Variants in ZC3H12B observed in about 807,000 individuals in gnomAD.
The protein encoded by ZC3H12B is zinc finger CCCH-type containing 12B.
ZC3H12B carries 7 observed loss-of-function variants against 43.9 expected under a neutral mutation model. The ratio of observed to expected loss-of-function variants is 0.16; its 90% CI spans 0.09 to 0.30. The LOEUF (loss-of-function observed/expected upper bound fraction) is 0.30. ZC3H12B is among the 10% of genes least tolerant of loss of function. ZC3H12B has a pLI of 1.00. For missense variants in ZC3H12B, 475 were observed against 670.2 expected, an observed-to-expected ratio of 0.71 and a Z score of 3.22; for synonymous variants, 222 against 241.7, an observed-to-expected ratio of 0.92 and a Z score of 0.76.
At chrX:65,254,148 C>T in the ZC3H12B span, among the ~76,000 whole-genome samples, 4 of 112,312 alleles carry the variant, frequency 3.6e-5, no homozygotes, top group African/African-American at 9.7e-5. Context: ...CACCCCCCCA[C>T]TGCCACTGCT....
the ZC3H12B span, chrX:65,328,551 T>C: frequency 5.2e-6 from 1 of 191,665 alleles, no homozygotes; most frequent in East Asian, 1.5e-4. Context: ...ACATTGTCTT[T>C]ATTTGTCTTT....
At chrX:65,444,579 A>T (rs772845450) in intron 3 of ZC3H12B, among the ~76,000 whole-genome samples, 2 of 112,497 alleles carry the variant, frequency 1.8e-5, no homozygotes, top group African/African-American at 6.4e-5. Context: ...TAAATTGCCC[A>T]GTCTCAGGTA....
chrX:65,113,914 G>A, the ZC3H12B span, among the ~76,000 whole-genome samples: 1 of 99,262 alleles, frequency 1.0e-5, no homozygotes, highest in African/African-American at 3.5e-5. Context: ...AAATTTATGT[G>A]ACTCACTTTA....
chrX:65,309,100 A>C, the ZC3H12B span, among the ~76,000 whole-genome samples: 2 of 110,653 alleles, frequency 1.8e-5, no homozygotes, highest in African/African-American at 3.3e-5. Flanking sequence ...AGAGCAAACA[A>C]ATTCAAAAGC....
chrX:65,357,049 G>A, the ZC3H12B span: 9 of 579,126 alleles, frequency 1.6e-5, no homozygotes, highest in Non-Finnish European at 2.4e-5. Flanking sequence ...TTGCTGAGCT[G>A]GGTCTCCTTG....
At chrX:65,457,665 C>A (rs1269084426) in intron 3 of ZC3H12B, among the ~76,000 whole-genome samples, 1 of 72,771 alleles carries the variant, frequency 1.4e-5, no homozygotes, top group East Asian at 3.6e-4. Context: ...CGGATGGTTG[C>A]CGGGTCTGTG....
At chrX:65,163,774 T>C in the ZC3H12B span, among the ~76,000 whole-genome samples, 25,402 of 110,498 alleles carry the variant, frequency 0.23, 7,162 homozygotes, top group African/African-American at 0.8. Context: ...TGCACTGCAC[T>C]CACTCTCCTG....
At chrX:65,448,731 C>T (rs1454654738) in intron 3 of ZC3H12B, among the ~76,000 whole-genome samples, 3 of 108,365 alleles carry the variant, frequency 2.8e-5, no homozygotes, top group Non-Finnish European at 5.7e-5. Context: ...GAAGGAGAAT[C>T]GCTTGAACCC....
chrX:65,239,414 A>G, the ZC3H12B span, among the ~76,000 whole-genome samples: 1 of 95,997 alleles, frequency 1.0e-5, no homozygotes, highest in East Asian at 3.3e-4. Flanking sequence ...TTTTTTTTCC[A>G]TTTGCTTGAT....
chrX:65,261,371 T>C, the ZC3H12B span, among the ~76,000 whole-genome samples: 21 of 111,776 alleles, frequency 1.9e-4, no homozygotes, highest in Admixed American at 1.9e-3. Flanking sequence ...AGTCATTTTA[T>C]ATGATTGTTT....
the ZC3H12B span, among the ~76,000 whole-genome samples, chrX:65,199,689 A>T: frequency 9.0e-6 from 1 of 111,106 alleles, no homozygotes; most frequent in East Asian, 2.8e-4. Flanking sequence ...AAGTGGGAAC[A>T]TGCAGTGTCT....
chrX:65,427,930 C>T (rs886143209), intron 3 of ZC3H12B, among the ~76,000 whole-genome samples: 13 of 111,894 alleles, frequency 1.2e-4, no homozygotes, highest in Admixed American at 1.0e-3. Context: ...TGAGTGCTTC[C>T]TTCATGAGCT....
At chrX:65,385,564 T>A (rs2066511102) in intron 2 of ZC3H12B, among the ~76,000 whole-genome samples, 1 of 111,734 alleles carries the variant, frequency 8.9e-6, no homozygotes, top group Admixed American at 9.6e-5. Flanking sequence ...GATGATGGGG[T>A]TTTCTAAATA....
the ZC3H12B span, among the ~76,000 whole-genome samples, chrX:65,218,755 G>T: frequency 9.0e-6 from 1 of 111,347 alleles, no homozygotes; most frequent in African/African-American, 3.3e-5. Flanking sequence ...AAAAGAAAAA[G>T]GACATATCTC....
the ZC3H12B span, among the ~76,000 whole-genome samples, chrX:65,129,698 T>C: frequency 9.0e-6 from 1 of 111,454 alleles, no homozygotes; most frequent in Middle Eastern, 4.2e-3. Flanking sequence ...CATTCCTGTC[T>C]TCTTGTATTA....
the ZC3H12B span, among the ~76,000 whole-genome samples, chrX:65,078,026 C>T: frequency 8.9e-6 from 1 of 111,768 alleles, no homozygotes; most frequent in African/African-American, 3.3e-5. Context: ...GTGAAACTAA[C>T]AAGATTTGGT....
chrX:65,238,970 T>A, the ZC3H12B span, among the ~76,000 whole-genome samples: 3 of 111,962 alleles, frequency 2.7e-5, no homozygotes, highest in Non-Finnish European at 5.6e-5. Flanking sequence ...TGTCAGGGGT[T>A]TTTTTATTTG....
chrX:65,093,825 G>A, the ZC3H12B span, among the ~76,000 whole-genome samples: 1 of 111,782 alleles, frequency 8.9e-6, no homozygotes, highest in Non-Finnish European at 1.9e-5. Flanking sequence ...GTTAATGCTT[G>A]AATGAGTTAA....
At chrX:65,490,123 G>T (rs2068183615) in intron 1 of ZC3H12B, among the ~76,000 whole-genome samples, 1 of 111,332 alleles carries the variant, frequency 9.0e-6, no homozygotes, top group South Asian at 3.8e-4. Context: ...TTAATCCCTG[G>T]AATCTCTGAA....
Sources: allele counts gnomAD v4.1 joint callset (sites outside exome capture counted in the v4.1 genomes callset), GRCh38; gene constraint gnomAD v4.1.1; transcripts MANE v1.5; gene names NCBI Gene and HGNC (gene_info 2026-07-23, HGNC 2026-07-21).